The following PMS1 variants were observed in gnomAD, a reference collection of about 807,000 sequenced individuals.
The protein encoded by PMS1 is PMS1 protein homolog 1.
Under a neutral mutation model 93.1 loss-of-function variants are expected in PMS1, and 79 were observed. That is an observed-to-expected ratio of 0.85 (90% confidence interval 0.71 to 1.02). The LOEUF (loss-of-function observed/expected upper bound fraction) is 1.02. Among genes scored for constraint, PMS1 ranks in the 50% least tolerant of loss-of-function variants. The pLI is 0.00. For missense variants in PMS1, 1,064 were observed against 1,085.3 expected (o/e 0.98, Z 0.28); for synonymous variants, 335 against 363.4 (o/e 0.92, Z 0.89).
At chr2:189,798,938 T>C (rs1050186620) in intron 3 of PMS1, among the ~76,000 whole-genome samples, 3 of 152,198 alleles carry the variant, frequency 2.0e-5, no homozygotes, top group Non-Finnish European at 2.9e-5. Flanking sequence ...AGCACTATAC[T>C]TGGTTTTTAG....
intron 5 of PMS1, among the ~76,000 whole-genome samples, chr2:189,839,930 G>A (rs2053685106): frequency 6.6e-6 from 1 of 152,010 alleles, no homozygotes; most frequent in African/African-American, 2.4e-5. Flanking sequence ...ATATGCTTAT[G>A]GTGACTCTAC....
intron 6 of PMS1, 63 bp downstream of exon 6, chr2:189,844,143 C>G: frequency 6.2e-7 from 1 of 1,606,426 alleles, no homozygotes. Context: ...ACATATTTCC[C>G]TTTGGGGGAG....
intron 9 of PMS1, among the ~76,000 whole-genome samples, chr2:189,859,054 G>C (rs2055671989): frequency 6.6e-6 from 1 of 152,128 alleles, no homozygotes; most frequent in African/African-American, 2.4e-5. Flanking sequence ...TGTTTGAAGA[G>C]TATGAGACTA....
At chr2:189,876,724 C>T (rs1045814586) in intron 12 of PMS1, among the ~76,000 whole-genome samples, 4 of 151,372 alleles carry the variant, frequency 2.6e-5, no homozygotes, top group South Asian at 2.1e-4. Context: ...CCTCCTGCCT[C>T]GGCCTCCCAT....
chr2:189,798,150 C>T (rs1188571105), intron 3 of PMS1, among the ~76,000 whole-genome samples: 1 of 152,158 alleles, frequency 6.6e-6, no homozygotes, highest in African/African-American at 2.4e-5. Context: ...GGGTCACTGC[C>T]TCAGCATTGC....
chr2:189,830,807 C>A (rs955494389), intron 5 of PMS1, among the ~76,000 whole-genome samples: 1 of 152,242 alleles, frequency 6.6e-6, no homozygotes, highest in Admixed American at 6.5e-5. Context: ...GATCCAGAAG[C>A]AGATGGTATC....
chr2:189,809,995 CTT>C (rs1043561563), intron 4 of PMS1, among the ~76,000 whole-genome samples: 6 of 152,150 alleles, frequency 3.9e-5, no homozygotes, highest in African/African-American at 1.4e-4. Flanking sequence ...ATTTTGCCCT[CTT>C]GATTTCTGTC....
chr2:189,857,562 T>C (rs1331571176), intron 9 of PMS1: 1 of 411,098 alleles, frequency 2.4e-6, no homozygotes, highest in Non-Finnish European at 5.0e-6. Context: ...TCCATCCTTT[T>C]CTTCCTTCTT....
chr2:189,867,567 T>A (rs879875391), intron 10 of PMS1, among the ~76,000 whole-genome samples: 4 of 152,194 alleles, frequency 2.6e-5, no homozygotes, highest in African/African-American at 4.8e-5. Flanking sequence ...TCACATTCAA[T>A]TTGTAACATT....
chr2:189,859,630 A>C (rs1212866259), intron 9 of PMS1, among the ~76,000 whole-genome samples: 1 of 152,076 alleles, frequency 6.6e-6, no homozygotes, highest in East Asian at 1.9e-4. Flanking sequence ...CATTTTTCTC[A>C]TATTGTTGAC....
intron 10 of PMS1, among the ~76,000 whole-genome samples, chr2:189,867,534 TAGAG>T (rs5743170): frequency 0.1 from 15,954 of 152,132 alleles, 1,180 homozygotes; most frequent in East Asian, 0.2. Context: ...TCATTTGTAT[TAGAG>T]AGAGCCATTT....
chr2:189,851,944 C>G (rs557308278), intron 6 of PMS1, among the ~76,000 whole-genome samples: 6 of 152,286 alleles, frequency 3.9e-5, no homozygotes, highest in African/African-American at 1.2e-4. Context: ...AGCATGTTCT[C>G]TGCTTCCTAT....
intron 1 of PMS1, among the ~76,000 whole-genome samples, chr2:189,786,352 A>G (rs1366305214): frequency 2.6e-5 from 4 of 152,330 alleles, no homozygotes; most frequent in South Asian, 2.1e-4. Flanking sequence ...CAAAATATCA[A>G]TTAGGTGGTT....
intron 4 of PMS1, among the ~76,000 whole-genome samples, chr2:189,810,898 G>A (rs2050782292): frequency 6.6e-6 from 1 of 151,368 alleles, no homozygotes; most frequent in African/African-American, 2.4e-5. Flanking sequence ...AGAGACTTGA[G>A]GAGAGGAAAA....
intron 4 of PMS1, 74 bp downstream of exon 4, chr2:189,805,828 A>G: frequency 6.3e-7 from 1 of 1,586,922 alleles, no homozygotes; most frequent in Non-Finnish European, 8.6e-7. Flanking sequence ...AAAAAAAGTT[A>G]CTCGGTGAAT....
chr2:189,829,619 G>T (rs1486518269), intron 5 of PMS1, among the ~76,000 whole-genome samples: 1 of 152,164 alleles, frequency 6.6e-6, no homozygotes, highest in East Asian at 1.9e-4. Context: ...ATCTGAGCCA[G>T]TATGTAGGGG....
In PMS1 at chr2:189,855,066, A is replaced by C. The variant is rs772681534; in HGVS notation, c.1794A>C (p.Leu598Phe). The part of the protein sequence containing the change: ...QFLIENPKTS[L>F]EDATLQIEEL... The stretch of plus-strand genomic sequence containing the variant: ...TCATAGAAAATCCTAAGACTAGTTT[A>C]GAGGATGCAACACTACAAATTGAAG... The change falls in exon 9 of 13, where the codon TTA (leucine) becomes TTC (phenylalanine). Residue 598 changes from leucine (L) to phenylalanine (F), a missense_variant. Physicochemically the swap from Leu to Phe is conservative, Grantham distance 22. Coordinates refer to ENST00000441310, the MANE Select transcript of PMS1 (RefSeq NM_000534.5). The C allele has an allele frequency of 6.2e-7, 1 of 1,613,316 alleles. No homozygotes were observed. The highest frequency in any genetic ancestry group is 2.2e-5 in the East Asian group (1 of 44,814).
At chr2:189,831,998 GTTAT>G (rs1313741728) in intron 5 of PMS1, among the ~76,000 whole-genome samples, 2 of 152,036 alleles carry the variant, frequency 1.3e-5, no homozygotes, top group Non-Finnish European at 2.9e-5. Flanking sequence ...CCCAGTGGAT[GTTAT>G]TTGTTACCCT....
chr2:189,855,844 C>A, intron 9 of PMS1: 1 of 1,075,326 alleles, frequency 9.3e-7, no homozygotes. Context: ...TTAATATAAA[C>A]ACAAAATATT....
Sources: gnomAD v4.1 joint callset for allele counts (sites outside exome capture counted in the v4.1 genomes callset) on GRCh38, gnomAD v4.1.1 for gene constraint, MANE v1.5 for transcripts, NCBI Gene and HGNC (gene_info 2026-07-23, HGNC 2026-07-21) for gene names.